MKKS: variants seen among roughly 807,000 people sequenced by gnomAD.
MKKS encodes the protein molecular chaperone MKKS.
Under a neutral mutation model 33.2 loss-of-function variants are expected in MKKS, and 29 were observed. The observed-to-expected ratio is 0.87, with a 90% CI of 0.65 to 1.19. The LOEUF (loss-of-function observed/expected upper bound fraction) is 1.19. Among genes scored for constraint, MKKS ranks in the 50% most tolerant of loss-of-function variants. The pLI, the probability that MKKS is intolerant of heterozygous loss-of-function variation, is 0.00. For missense variants in MKKS, 661 were observed against 662.3 expected (o/e 1.00, Z 0.02); for synonymous variants, 260 against 244.0 (o/e 1.07, Z -0.61).
chr20:10,405,602 G>A lies in MKKS; in HGVS notation c.1358C>T (p.Ala453Val). ...LQLIAEAFCS[A>V]LESVVGSLEH... ...TAAAGAGCCAACAACAGATTCTAGG[G>A]CACTGCAAAATGCTTCAGCAATTAA... Residue 453 changes from alanine to valine, a missense_variant, in exon 6 of 6, where the codon GCC becomes GTC. Coordinates refer to ENST00000347364, the MANE Select transcript of MKKS (RefSeq NM_170784.3). 1 of 1,614,086 alleles carries A rather than the reference G, an allele frequency of 6.2e-7. No individual in the cohort carries two copies. The highest frequency in any genetic ancestry group is 8.5e-7 in the Non-Finnish European group (1 of 1,179,970).
intron 4 of MKKS, 125 bp downstream of exon 4, chr20:10,408,503 T>G: frequency 1.1e-6 from 1 of 915,296 alleles, no homozygotes; most frequent in Non-Finnish European, 1.7e-6. Context: ...TGACTTTGCA[T>G]CAATCATTTT....
chr20:10,408,646 A>T lies in MKKS; in HGVS notation c.1143T>A (p.Thr381=). The change falls in exon 4 of 6, where the codon ACT becomes ACA. Residue 381 remains threonine, a synonymous_variant. Transcript: ENST00000347364. ...TACCTACCTTCAGCTCATCCCAGGC[A>T]GTGTCATTTCTGTTGCAGAGAAGCA... ...CSLLLCNRND[T]AWDELKLTCQ... 6.2e-7 allele frequency: 1 copy of T among 1,614,098 alleles called. No homozygotes were observed. Among genetic ancestry groups the T allele is most frequent in the Non-Finnish European group, 8.5e-7 (1 of 1,180,008 alleles).
Position 10,413,348 on chromosome 20 carries a change from G to C in MKKS, c.167C>G (p.Thr56Arg). 6.2e-7 allele frequency: 1 copy of C among 1,614,086 alleles called. No individual in the cohort carries two copies. The highest frequency in any genetic ancestry group is 8.5e-7 in the Non-Finnish European group (1 of 1,179,944). ...GAGCAGAGCTGAGGACTGTGAGGTT[G>C]TACACACGTAACCTCCAAAGCCATT... ...LHNGFGGYVC[T>R]TSQSSALLSH... is the part of the protein sequence containing the mutation. The change falls in exon 3 of 6, where the codon ACA (threonine) becomes AGA (arginine). Residue 56 changes from threonine to arginine, a missense_variant. Physicochemically the swap from Thr to Arg is moderately conservative, Grantham distance 71 (BLOSUM62 -1). Transcript: ENST00000347364.
chr20:10,417,868 T>C (rs1252769083), intron 2 of MKKS, among the ~76,000 whole-genome samples: 1 of 152,140 alleles, frequency 6.6e-6, no homozygotes, highest in Non-Finnish European at 1.5e-5. Context: ...AGGAAATTGT[T>C]AAATGACAAG....
In MKKS at chr20:10,412,837, T is replaced by C. The variant is rs764910901; in HGVS notation, c.678A>G (p.Gln226=). The C allele has an allele frequency of 3.7e-6, 6 of 1,614,094 alleles. No individual in the cohort carries two copies. Among genetic ancestry groups the C allele is most frequent in the African/African-American group, 2.7e-5 (2 of 74,932 alleles). The change falls in exon 3 of 6, where the codon CAA becomes CAG. Residue 226 remains glutamine (Q), a synonymous_variant. Transcript: ENST00000347364. ...PGILIEMSEV[Q]LMRLLPIKKS... is the part of the protein sequence containing the mutation. ...TTTTGATAGGTAATAGCCTCATTAA[T>C]TGAACTTCTGACATTTCAATGAGTA...
At chr20:10,418,595 T>C (rs1440713096) in intron 2 of MKKS, among the ~76,000 whole-genome samples, 1 of 152,134 alleles carries the variant, frequency 6.6e-6, no homozygotes, top group Non-Finnish European at 1.5e-5. Flanking sequence ...CTTTTAACTA[T>C]TGCTGCACTG....
Position 10,413,820 on chromosome 20 carries a change from T to C in MKKS, c.-306A>G, listed in dbSNP as rs3748466. On this transcript the variant is annotated 5_prime_UTR_variant, in exon 3 of 6. Transcript: ENST00000347364. ...CCTCTGCAAAAAGTATGTTCCAAGA[T>C]GGACACCTATGAAAGATATCCCAGC... 1.3e-3 allele frequency: 690 copies of C among 514,288 alleles called. 8 individuals are homozygous for C. The East Asian group carries it at 0.019, about 14-fold the overall frequency. 31.9% of individuals were successfully genotyped at this position (514,288 alleles called of 1,614,324 possible). A position where few individuals can be genotyped will look rare whatever the true frequency, so the allele number is the denominator to read the frequency against.
At chr20:10,415,026 C>T (rs2064927239) in intron 2 of MKKS, among the ~76,000 whole-genome samples, 1 of 151,996 alleles carries the variant, frequency 6.6e-6, no homozygotes, top group African/African-American at 2.4e-5. Context: ...AGTCTAAATA[C>T]CATAAAATGT....
chr20:10,408,760 A>G lies in MKKS; in HGVS notation c.1029T>C (p.Ser343=), dbSNP rs1289885394. 1 of 1,613,882 alleles carries G rather than the reference A, an allele frequency of 6.2e-7. No homozygotes were observed. Among genetic ancestry groups the G allele is most frequent in the Non-Finnish European group, 8.5e-7 (1 of 1,179,834 alleles). The change falls in exon 4 of 6, where the codon AGT becomes AGC. Residue 343 remains serine (S), a synonymous_variant. Coordinates refer to ENST00000347364, the MANE Select transcript of MKKS (RefSeq NM_170784.3). The part of the protein sequence containing the change: ...IGSLGSICPN[S]YGSVKDVCTA... ...TGCACACATCTTTCACACTTCCATA[A>G]CTATTAGGACATATTGAGCCTAGGG...
At chr20:10,417,319 T>C (rs1352377954) in intron 2 of MKKS, among the ~76,000 whole-genome samples, 1 of 151,952 alleles carries the variant, frequency 6.6e-6, no homozygotes, top group Non-Finnish European at 1.5e-5. Context: ...CTGTTAATCT[T>C]AGCAACACTG....
chr20:10,420,300 A>G (rs1306048849), intron 2 of MKKS, among the ~76,000 whole-genome samples: 1 of 151,984 alleles, frequency 6.6e-6, no homozygotes, highest in East Asian at 1.9e-4. Flanking sequence ...TGCTAGCAAA[A>G]CTGCTCTTTC....
rs761500613 is a variant in MKKS, at chr20:10,405,196, G to C, written c.*51C>G. 6.9e-7 allele frequency: 1 copy of C among 1,444,724 alleles called. No homozygotes were observed. The highest frequency in any genetic ancestry group is 9.4e-7 in the Non-Finnish European group (1 of 1,059,680). 89.5% of individuals were successfully genotyped at this position (1,444,724 alleles called of 1,614,324 possible). On this transcript the variant is annotated 3_prime_UTR_variant, in exon 6 of 6. Transcript: ENST00000347364. ...AATACACTCACAATTTTTCTCAATT[G>C]CCAACAGACTAGTTTATTTGTTTCT...
At chr20:10,424,202 A>G (rs1265114288) in intron 1 of MKKS, among the ~76,000 whole-genome samples, 3 of 152,086 alleles carry the variant, frequency 2.0e-5, no homozygotes, top group African/African-American at 7.2e-5. Context: ...TTAAAATGAC[A>G]TTGGCATATA....
intron 2 of MKKS, among the ~76,000 whole-genome samples, chr20:10,416,807 A>G (rs187067697): frequency 2.1e-4 from 32 of 152,300 alleles, no homozygotes; most frequent in African/African-American, 7.5e-4. Flanking sequence ...CCTATGGACC[A>G]TATCCAGACT....
intron 1 of MKKS, among the ~76,000 whole-genome samples, chr20:10,432,403 C>T (rs990275952): frequency 1.3e-5 from 2 of 152,188 alleles, no homozygotes; most frequent in Admixed American, 6.5e-5. Flanking sequence ...ACATCTTGCT[C>T]AATATCAATG....
chr20:10,410,826 G>A (rs1276907098), intron 3 of MKKS, among the ~76,000 whole-genome samples: 1 of 152,056 alleles, frequency 6.6e-6, no homozygotes, highest in Non-Finnish European at 1.5e-5. Flanking sequence ...GTTTACCTGC[G>A]CTATGTGCCT....
At chr20:10,432,772 A>T in intron 1 of MKKS, among the ~76,000 whole-genome samples, 1 of 131,508 alleles carries the variant, frequency 7.6e-6, no homozygotes, top group Admixed American at 9.0e-5. Flanking sequence ...CCTGCGCGAC[A>T]GAGCGAGACT....
intron 1 of MKKS, among the ~76,000 whole-genome samples, chr20:10,433,010 T>C (rs1042519440): frequency 2.0e-5 from 3 of 152,136 alleles, no homozygotes; most frequent in Non-Finnish European, 4.4e-5. Flanking sequence ...AGAATGTTTT[T>C]ATTTATTTAT....
At chr20:10,420,855 T>C (rs1004599683) in intron 1 of MKKS, 97 bp from the exon 2 acceptor site, 2 of 152,222 alleles carry the variant, frequency 1.3e-5, no homozygotes, top group South Asian at 4.1e-4. Flanking sequence ...TGCTGTACTC[T>C]AACAAATGCT....
Sources: allele counts gnomAD v4.1 joint callset (sites outside exome capture counted in the v4.1 genomes callset), GRCh38; gene constraint gnomAD v4.1.1; transcripts MANE v1.5; gene names NCBI Gene and HGNC (gene_info 2026-07-23, HGNC 2026-07-21).